The following SNRNP200 variants were observed in gnomAD, a reference collection of about 807,000 sequenced individuals.
The protein encoded by SNRNP200 is U5 small nuclear ribonucleoprotein 200 kDa helicase.
SNRNP200 carries 66 observed loss-of-function variants against 255.2 expected under a neutral mutation model. The ratio of observed to expected loss-of-function variants is 0.26; its 90% CI spans 0.21 to 0.32. The LOEUF is 0.32. Ranked by LOEUF, SNRNP200 falls within the 10% of genes least tolerant of loss-of-function variation. The pLI, the probability that SNRNP200 is intolerant of heterozygous loss-of-function variation, is 1.00. For synonymous variants in SNRNP200, 939 were observed against 1,027.8 expected (o/e 0.91, Z 1.65); for missense variants, 1,585 against 2,749.8 (o/e 0.58, Z 9.47).
Position 96,274,894 on chromosome 2 carries a change from CCCTGGCTGGCCAGA to C in SNRNP200, c.*104_*117del, listed in dbSNP as rs1684628408. ...TGGAGGTAGGCGGGGACAGCACCAG[CCCTGGCTGGCCAGA>C]CCTGAGGCCCACAGACCTGGTCCCC... On this transcript the variant is annotated 3_prime_UTR_variant, in exon 45 of 45. Transcript: ENST00000323853. 6.0e-6 allele frequency: 7 copies of C among 1,169,594 alleles called. No homozygotes were observed. The Admixed American group carries it at 1.0e-4, about 17-fold the overall frequency. The allele number at this position is 1,169,594 out of a possible 1,614,324, so 72.5% of individuals were successfully genotyped here. A position where few individuals can be genotyped will look rare whatever the true frequency, so the allele number is the denominator to read the frequency against.
intron 29 of SNRNP200, 51 bp from the exon 30 acceptor site, chr2:96,285,391 C>CG: frequency 6.3e-7 from 1 of 1,580,984 alleles, no homozygotes; most frequent in Non-Finnish European, 8.7e-7. Flanking sequence ...GAAGAAGAGA[C>CG]GGACTGGGAC....
intron 43 of SNRNP200, among the ~76,000 whole-genome samples, chr2:96,275,863 G>A (rs1043598139): frequency 6.6e-6 from 1 of 152,324 alleles, no homozygotes; most frequent in South Asian, 2.1e-4. Flanking sequence ...GAAATTAGCC[G>A]GGCATGGTGG....
rs751701113 is a variant in SNRNP200, at chr2:96,286,420, T to G, written c.3894A>C (p.Pro1298=). The change falls in exon 29 of 45, where the codon CCA becomes CCC. Residue 1298 remains proline (P), a synonymous_variant. Coordinates refer to ENST00000323853, the MANE Select transcript of SNRNP200 (RefSeq NM_014014.5). The surrounding 1 kb of genome is among the most constrained non-coding windows in gnomAD (Gnocchi z 4.8). ...HLILPEKYPP[P]TELLDLQPLP... The stretch of plus-strand genomic sequence containing the variant: ...AGGGCTGCAGGTCCAAAAGTTCGGT[T>G]GGAGGGGGGTACTTCTCCGGCAAGA... 6.2e-7 allele frequency: 1 copy of G among 1,614,098 alleles called. No individual in the cohort carries two copies.
In SNRNP200 at chr2:96,277,417, C is replaced by A. The variant is rs948224404; in HGVS notation, c.5931+122G>T. On this transcript the variant is annotated intron_variant, in intron 41 of 44. Transcript: ENST00000323853. The surrounding 1 kb of genome is among the most constrained non-coding windows in gnomAD (Gnocchi z 4.4). ...TCTCTAGCATCTCAACAGGGAGCAC[C>A]TTCGGAGGAACCATAACTAAAAGTT... 5 of 1,347,902 alleles carry A rather than the reference C, an allele frequency of 3.7e-6. No homozygotes were observed. The highest frequency in any genetic ancestry group is 4.9e-4 in the Middle Eastern group (2 of 4,048). 83.5% of individuals were successfully genotyped at this position (1,347,902 alleles called of 1,614,324 possible).
Position 96,278,150 on chromosome 2 carries a change from T to C in SNRNP200, c.5610+87A>G. 6.3e-7 allele frequency: 1 copy of C among 1,599,392 alleles called. No homozygotes were observed. Among genetic ancestry groups the C allele is most frequent in the Non-Finnish European group, 8.6e-7 (1 of 1,168,272 alleles). On this transcript the variant is annotated intron_variant, in intron 39 of 44. Transcript: ENST00000323853. This position sits in a 1 kb window ranked among gnomAD's most constrained non-coding sequence, Gnocchi z 6.9. ...GGGGGTCGGGGGATGCGTATGGGCG[T>C]GTTGGTGGCAGGGATGCCATGTGCT...
intron 2 of SNRNP200, among the ~76,000 whole-genome samples, chr2:96,303,838 G>T (rs2063969939): frequency 6.8e-6 from 1 of 147,402 alleles, no homozygotes. Context: ...TGCCGTGAGA[G>T]AGATCACGCC....
chr2:96,281,782 C>T lies in SNRNP200; in HGVS notation c.5024+32G>A, dbSNP rs1279918460. The T allele has an allele frequency of 2.0e-6, 3 of 1,470,692 alleles. No homozygotes were observed. The South Asian group carries it at 3.4e-5, about 17-fold the overall frequency. The allele number at this position is 1,470,692 out of a possible 1,614,324, so 91.1% of individuals were successfully genotyped here. ...TTCACATTCATTTTAGGAAGGAGGT[C>T]TGTGCTAACACAGAGCACCAGTTGT... On this transcript the variant is annotated intron_variant, in intron 35 of 44. Transcript: ENST00000323853.
At chr2:96,295,928 T>C (rs1271636054) in intron 13 of SNRNP200, among the ~76,000 whole-genome samples, 1 of 152,178 alleles carries the variant, frequency 6.6e-6, no homozygotes, top group Non-Finnish European at 1.5e-5. Flanking sequence ...GGCAGAATGC[T>C]TGAGCCCAGG....
Position 96,289,945 on chromosome 2 carries a change from A to G in SNRNP200, c.2794T>C (p.Ser932Pro). Residue 932 changes from serine to proline, a missense_variant, in exon 21 of 45, where the codon TCC becomes CCC. Ser to Pro is a moderately conservative substitution (Grantham distance 74, BLOSUM62 -1). Coordinates refer to ENST00000323853, the MANE Select transcript of SNRNP200 (RefSeq NM_014014.5). ...YAYLYIRMLR[S>P]PTLYGISHDD... ...TGAGAGATGCCATAGAGGGTTGGGG[A>G]TCGCAGCATTCGGATATAGAGGTAG... 6.2e-7 allele frequency: 1 copy of G among 1,614,162 alleles called. No homozygotes were observed. The highest frequency in any genetic ancestry group is 1.1e-5 in the South Asian group (1 of 91,084).
rs2063875823 is a variant in SNRNP200, at chr2:96,290,221, A to ACT, written c.2742+104_2742+105insAG. 2.4e-6 allele frequency: 3 copies of ACT among 1,271,794 alleles called. No individual in the cohort carries two copies. In the African/African-American group the frequency reaches 4.4e-5, roughly 19 times the overall value. The allele number at this position is 1,271,794 out of a possible 1,614,324, so 78.8% of individuals were successfully genotyped here. A position where few individuals can be genotyped will look rare whatever the true frequency, so the allele number is the denominator to read the frequency against. On this transcript the variant is annotated intron_variant, in intron 20 of 44. Coordinates refer to ENST00000323853, the MANE Select transcript of SNRNP200 (RefSeq NM_014014.5). The surrounding 1 kb of genome is among the most constrained non-coding windows in gnomAD (Gnocchi z 4.5). ...CCCAAGATGTGGGTGCAGGGATGGA[A>ACT]GGCCTCGGACGCTGCTGGCCCGCAG...
intron 15 of SNRNP200, 87 bp from the exon 16 acceptor site, chr2:96,293,182 T>G: frequency 6.3e-7 from 1 of 1,588,560 alleles, no homozygotes; most frequent in Non-Finnish European, 8.6e-7. Context: ...AAGAGCAATA[T>G]TCCTCCTTTA....
Position 96,293,008 on chromosome 2 carries a change from G to A in SNRNP200, c.2124C>T (p.Val708=). ...CAGCATGTTCCATGATTTTTTCATA[G>A]ACGATTTCATTCATGATCTGGAAAC... is the stretch of plus-strand genomic sequence containing the variant. The part of the protein sequence containing the change: ...IKRFQIMNEI[V]YEKIMEHAGK... Residue 708 remains valine (V), a synonymous_variant, in exon 16 of 45, where the codon GTC becomes GTT. Transcript: ENST00000323853. 2 of 1,614,144 alleles carry A rather than the reference G, an allele frequency of 1.2e-6. No individual in the cohort carries two copies. The highest frequency in any genetic ancestry group is 1.7e-6 in the Non-Finnish European group (2 of 1,180,018).
Position 96,290,361 on chromosome 2 carries a change from C to T in SNRNP200, c.2707G>A (p.Ala903Thr). 1.2e-6 allele frequency: 2 copies of T among 1,614,130 alleles called. No individual in the cohort carries two copies. The highest frequency in any genetic ancestry group is 1.7e-6 in the Non-Finnish European group (2 of 1,180,032). Residue 903 changes from alanine to threonine, a missense_variant, in exon 20 of 45, where the codon GCA becomes ACA. Around this residue, in one of 9 missense-constraint regions of SNRNP200, gnomAD observed 719 missense variants for 1,091.1 expected, o/e 0.66. Coordinates refer to ENST00000323853, the MANE Select transcript of SNRNP200 (RefSeq NM_014014.5). This position sits in a 1 kb window ranked among gnomAD's most constrained non-coding sequence, Gnocchi z 4.5. ...MVSKLPDMLN[A>T]EIVLGNVQNA... ...TGGACATTTCCTAGCACGATTTCTG[C>T]ATTGAGCATGTCAGGAAGCTTTGAA... is the stretch of plus-strand genomic sequence containing the variant.
chr2:96,277,767 A>C lies in SNRNP200; in HGVS notation c.5754+40T>G, dbSNP rs777370623. The stretch of plus-strand genomic sequence containing the variant: ...GGGCGGAGTTGGAGCTGAGATGTTT[A>C]GAGCACCACTGACCCCTCTGCCCCA... On this transcript the variant is annotated intron_variant, in intron 40 of 44. Transcript: ENST00000323853. This position sits in a 1 kb window ranked among gnomAD's most constrained non-coding sequence, Gnocchi z 4.4. 6.2e-7 allele frequency: 1 copy of C among 1,614,156 alleles called. No individual in the cohort carries two copies. Among genetic ancestry groups the C allele is most frequent in the Non-Finnish European group, 8.5e-7 (1 of 1,180,024 alleles).
intron 30 of SNRNP200, 180 bp downstream of exon 30, chr2:96,285,000 T>C (rs781498962): frequency 5.1e-5 from 37 of 731,730 alleles, no homozygotes; most frequent in Admixed American, 2.2e-4. Flanking sequence ...TCTGCCCGCC[T>C]CGGCCTCCCA....
Position 96,277,680 on chromosome 2 carries a change from A to C in SNRNP200, c.5790T>G (p.Leu1930=). Residue 1930 remains leucine, a synonymous_variant, in exon 41 of 45, where the codon CTT becomes CTG. Coordinates refer to ENST00000323853, the MANE Select transcript of SNRNP200 (RefSeq NM_014014.5). The surrounding 1 kb of genome is among the most constrained non-coding windows in gnomAD (Gnocchi z 4.4). ...CAGGGCTGAGCCACCCATTGCTGGA[A>C]AGGACATCCACGCAGGCCTGGATGA... The part of the protein sequence containing the change: ...IRLIQACVDV[L]SSNGWLSPAL... 1 of 1,614,172 alleles carries C rather than the reference A, an allele frequency of 6.2e-7. No homozygotes were observed. Among genetic ancestry groups the C allele is most frequent in the Non-Finnish European group, 8.5e-7 (1 of 1,180,028 alleles).
rs781169548 is a variant in SNRNP200 at position 96,292,789 on chromosome 2, T to C, written c.2160+183A>G. On this transcript the variant is annotated intron_variant, in intron 16 of 44. Transcript: ENST00000323853. ...AAAGTTATGAGCATAAAATTACTCA[T>C]AGTATTCCCTTATTATCCTTCCAGT... Among the ~76,000 whole-genome samples the C allele has an allele frequency of 2.4e-4, 36 of 152,240 alleles. No homozygotes were observed. Among genetic ancestry groups the C allele is most frequent in the Non-Finnish European group, 4.0e-4 (27 of 68,048 alleles).
In SNRNP200 at chr2:96,295,510, T is replaced by G; in HGVS notation, c.1820A>C (p.Gln607Pro). Residue 607 changes from glutamine to proline, a missense_variant, in exon 14 of 45, where the codon CAG (glutamine) becomes CCG (proline). Transcript: ENST00000323853. ...TRKGGERTYTQLVRLIILDEI... is the reference protein window; with the variant it reads ...TRKGGERTYTPLVRLIILDEI... ...CACCAGAATGATGAGCCGCACCAGC[T>G]GGGTGTAGGTGCGCTCACCACCCTT... The G allele has an allele frequency of 6.2e-7, 1 of 1,613,596 alleles. No homozygotes were observed. Among genetic ancestry groups the G allele is most frequent in the Non-Finnish European group, 8.5e-7 (1 of 1,179,990 alleles).
Position 96,283,530 on chromosome 2 carries a change from C to T in SNRNP200, c.4763+5G>A, listed in dbSNP as rs201505794. The T allele has an allele frequency of 2.2e-5, 35 of 1,614,158 alleles. No individual in the cohort carries two copies. The African/African-American group carries it at 2.8e-4, about 13-fold the overall frequency. Reference sequence around the variant, plus strand: ...CCCAACCCCCAGACGCCAGGCCCCACCTACCTCTGCCGTTGGATGTCTGCT... The same window carrying T: ...CCCAACCCCCAGACGCCAGGCCCCATCTACCTCTGCCGTTGGATGTCTGCT... On this transcript the variant is annotated splice_donor_5th_base_variant and intron_variant, in intron 33 of 44. Transcript: ENST00000323853. The surrounding 1 kb of genome is among the most constrained non-coding windows in gnomAD (Gnocchi z 4.7).
Sources: allele counts gnomAD v4.1 joint callset (sites outside exome capture counted in the v4.1 genomes callset), GRCh38; gene constraint gnomAD v4.1.1; regional missense constraint gnomAD v4.1.1; non-coding constraint Gnocchi (gnomAD v3.1); transcripts MANE v1.5; gene names NCBI Gene and HGNC (gene_info 2026-07-23, HGNC 2026-07-21).